The following MTUS2 variants were observed in gnomAD, a reference collection of about 807,000 sequenced individuals.
MTUS2 encodes microtubule associated scaffold protein 2.
In MTUS2, 40 loss-of-function variants were observed where a neutral mutation model predicts 114.1. That is an observed-to-expected ratio of 0.35 (90% CI 0.27 to 0.46). The LOEUF (loss-of-function observed/expected upper bound fraction) is 0.46, where lower values mean the gene tolerates loss of function less well. Among genes scored for constraint, MTUS2 ranks in the 20% least tolerant of loss-of-function variants. The pLI is 1.00. For missense variants in MTUS2, 1,679 were observed against 1,705.4 expected, an observed-to-expected ratio of 0.98 and a Z score of 0.27; for synonymous variants, 688 against 672.0, an observed-to-expected ratio of 1.02 and a Z score of -0.37.
chr13:29,027,883 G>C (rs1251945397), intron 3 of MTUS2, among the ~76,000 whole-genome samples: 1 of 152,150 alleles, frequency 6.6e-6, no homozygotes, highest in Non-Finnish European at 1.5e-5. Context: ...GACAGACAGA[G>C]AGCTTTAAGT....
chr13:29,319,088 A>G (rs1377234462), intron 6 of MTUS2, among the ~76,000 whole-genome samples: 1 of 152,190 alleles, frequency 6.6e-6, no homozygotes, highest in Non-Finnish European at 1.5e-5. Context: ...TAGATAAGGC[A>G]CACGAGGAGC....
intron 7 of MTUS2, among the ~76,000 whole-genome samples, chr13:29,354,684 C>T (rs1359295501): frequency 6.6e-6 from 1 of 152,168 alleles, no homozygotes; most frequent in Non-Finnish European, 1.5e-5. Flanking sequence ...CTGCCCCGAC[C>T]TGTACTTAAG....
At chr13:29,263,436 G>A (rs1897550474) in intron 5 of MTUS2, among the ~76,000 whole-genome samples, 1 of 152,174 alleles carries the variant, frequency 6.6e-6, no homozygotes, top group Non-Finnish European at 1.5e-5. Context: ...CTGGATGAAT[G>A]GGGAGTAGTG....
chr13:28,979,647 A>G (rs1010714702), intron 2 of MTUS2, among the ~76,000 whole-genome samples: 2 of 152,142 alleles, frequency 1.3e-5, no homozygotes, highest in South Asian at 2.1e-4. Flanking sequence ...TTTTGTTGCT[A>G]TCTTGGAGTC....
intron 8 of MTUS2, among the ~76,000 whole-genome samples, chr13:29,418,262 C>T (rs1875823562): frequency 6.6e-6 from 1 of 152,112 alleles, no homozygotes; most frequent in African/African-American, 2.4e-5. Flanking sequence ...TTACATTTTT[C>T]AGTAGAAATT....
intron 5 of MTUS2, among the ~76,000 whole-genome samples, chr13:29,116,586 T>G (rs554880245): frequency 2.0e-5 from 3 of 152,100 alleles, no homozygotes; most frequent in Non-Finnish European, 2.9e-5. Flanking sequence ...AGCAAGAGAT[T>G]AAGAACAATA....
chr13:29,178,793 G>A (rs1893880529), intron 5 of MTUS2, among the ~76,000 whole-genome samples: 1 of 152,162 alleles, frequency 6.6e-6, no homozygotes, highest in African/African-American at 2.4e-5. Context: ...TTTTGTGAGA[G>A]TGTTGTGGAC....
At chr13:28,942,720 AT>A (rs1882313019) in intron 2 of MTUS2, among the ~76,000 whole-genome samples, 1 of 152,172 alleles carries the variant, frequency 6.6e-6, no homozygotes, top group African/African-American at 2.4e-5. Context: ...GTAGTATATG[AT>A]TTCAGTTTTT....
At chr13:29,376,454 A>G (rs901777403) in intron 8 of MTUS2, among the ~76,000 whole-genome samples, 3 of 152,182 alleles carry the variant, frequency 2.0e-5, no homozygotes, top group African/African-American at 7.2e-5. Flanking sequence ...ATGGAATACT[A>G]AAAAATGTGC....
intron 5 of MTUS2, among the ~76,000 whole-genome samples, chr13:29,165,841 GA>G (rs1440710610): frequency 1.3e-5 from 2 of 152,128 alleles, no homozygotes; most frequent in Non-Finnish European, 2.9e-5. Flanking sequence ...TAAATGCCAT[GA>G]AAATTGAATT....
chr13:29,258,549 G>A (rs1684559383), intron 5 of MTUS2, among the ~76,000 whole-genome samples: 1 of 152,200 alleles, frequency 6.6e-6, no homozygotes, highest in African/African-American at 2.4e-5. Context: ...CTGTTTGGGA[G>A]ACATCCTAGC....
intron 6 of MTUS2, among the ~76,000 whole-genome samples, chr13:29,291,833 A>G (rs530375070): frequency 3.1e-5 from 4 of 130,904 alleles, no homozygotes; most frequent in Admixed American, 2.5e-4. Context: ...TAGTTGGGAA[A>G]ACAAAGCAGA....
At chr13:29,251,707 G>T (rs1897130946) in intron 5 of MTUS2, among the ~76,000 whole-genome samples, 1 of 152,148 alleles carries the variant, frequency 6.6e-6, no homozygotes, top group African/African-American at 2.4e-5. Context: ...TACAGTATTT[G>T]TTCTTTCCTG....
At chr13:29,232,591 T>C (rs1296409399) in intron 5 of MTUS2, among the ~76,000 whole-genome samples, 1 of 152,040 alleles carries the variant, frequency 6.6e-6, no homozygotes, top group Non-Finnish European at 1.5e-5. Context: ...GCAGAAAGAG[T>C]TCAAAGAATG....
intron 2 of MTUS2, among the ~76,000 whole-genome samples, chr13:28,903,204 T>G (rs1879751729): frequency 6.6e-6 from 1 of 152,112 alleles, no homozygotes; most frequent in South Asian, 2.1e-4. Flanking sequence ...TATTCCTGAA[T>G]GAGAGTTTTG....
chr13:29,081,584 A>G (rs1889443539), intron 4 of MTUS2, among the ~76,000 whole-genome samples: 1 of 148,688 alleles, frequency 6.7e-6, no homozygotes, highest in African/African-American at 2.5e-5. Flanking sequence ...GTGCAAAAGT[A>G]ATTGCAGTTT....
In MTUS2 at chr13:29,075,366, G is replaced by GC. The variant is rs1420428611; in HGVS notation, c.2447-25404dup. Among the ~76,000 whole-genome samples, 4 of 152,120 alleles carry GC rather than the reference G, an allele frequency of 2.6e-5. No individual in the cohort carries two copies. The East Asian group carries it at 5.8e-4, about 22-fold the overall frequency. ...CTCTACCATCTGGACTTTTGATTCT[G>GC]CCCTCTTTGTCTACTTTCCTTTTTT... On this transcript the variant is annotated intron_variant, in intron 4 of 15. Coordinates refer to ENST00000612955, the MANE Select transcript of MTUS2 (RefSeq NM_001033602.4).
intron 5 of MTUS2, among the ~76,000 whole-genome samples, chr13:29,195,514 C>CCAT (rs1372321341): frequency 7.3e-6 from 1 of 137,014 alleles, no homozygotes; most frequent in Non-Finnish European, 1.5e-5. Flanking sequence ...TATGTGCATT[C>CCAT]CATCACAGAT....
intron 5 of MTUS2, among the ~76,000 whole-genome samples, chr13:29,146,006 A>T (rs182336673): frequency 6.6e-6 from 1 of 152,340 alleles, no homozygotes; most frequent in Non-Finnish European, 1.5e-5. Flanking sequence ...TACTATTGTT[A>T]TATGACTTTT....
Sources: gnomAD v4.1 joint callset for allele counts (sites outside exome capture counted in the v4.1 genomes callset) on GRCh38, gnomAD v4.1.1 for gene constraint, MANE v1.5 for transcripts, NCBI Gene and HGNC (gene_info 2026-07-23, HGNC 2026-07-21) for gene names.